The following AKR1C4 variants were observed in gnomAD, a reference collection of about 807,000 sequenced individuals.
The protein encoded by AKR1C4 is aldo-keto reductase family 1 member C4, also known as 3-alpha-HSD1.
Under a neutral mutation model 41.0 loss-of-function variants are expected in AKR1C4, and 44 were observed. The ratio of observed to expected loss-of-function variants is 1.07; its 90% CI spans 0.84 to 1.38. The LOEUF is 1.38. Ranked by LOEUF, AKR1C4 falls within the 40% of genes most tolerant of loss-of-function variation. The pLI is 0.00. For synonymous variants in AKR1C4, 165 were observed against 137.7 expected (o/e 1.20, Z -1.39); for missense variants, 438 against 387.9 (o/e 1.13, Z -1.09).
chr10:5,212,414 T>C (rs188165802), intron 5 of AKR1C4, among the ~76,000 whole-genome samples: 2 of 152,348 alleles, frequency 1.3e-5, no homozygotes, highest in South Asian at 2.1e-4. Context: ...CTCTGGTTCA[T>C]AGAGTTGCTA....
At chr10:5,212,487 AAATG>A (rs1264315137) in intron 5 of AKR1C4, 125 bp from the exon 6 acceptor site, 192 of 886,212 alleles carry the variant, frequency 2.2e-4, no homozygotes, top group Middle Eastern at 2.1e-3. Flanking sequence ...TATTTTTATA[AAATG>A]ATTGTTACTT....
intron 2 of AKR1C4, among the ~76,000 whole-genome samples, chr10:5,202,309 G>A (rs1322212352): frequency 6.6e-6 from 1 of 152,130 alleles, no homozygotes; most frequent in East Asian, 1.9e-4. Context: ...CTCTCAACAT[G>A]GTTGTTGTTG....
At chr10:5,210,547 T>C (rs1554797816) in intron 5 of AKR1C4, among the ~76,000 whole-genome samples, 7 of 152,064 alleles carry the variant, frequency 4.6e-5, no homozygotes, top group Non-Finnish European at 1.5e-5. Flanking sequence ...GCCTGGACAT[T>C]CAGGCGTTTC....
chr10:5,203,525 G>A (rs782729240), intron 2 of AKR1C4, among the ~76,000 whole-genome samples: 9 of 152,158 alleles, frequency 5.9e-5, no homozygotes, highest in African/African-American at 2.4e-5. Flanking sequence ...ATTCCCTGGT[G>A]GGGAAGAGTA....
intron 1 of AKR1C4, among the ~76,000 whole-genome samples, 185 bp from the exon 2 acceptor site, chr10:5,199,996 G>A (rs1832372123): frequency 6.6e-6 from 1 of 152,160 alleles, no homozygotes; most frequent in African/African-American, 2.4e-5. Flanking sequence ...CCTAGACACT[G>A]TCAACGGGTC....
chr10:5,200,122 T>C, intron 1 of AKR1C4, 59 bp from the exon 2 acceptor site: 8 of 1,562,278 alleles, frequency 5.1e-6, no homozygotes, highest in Non-Finnish European at 6.9e-6. Context: ...GAACTTTTCC[T>C]GTTTCACTAC....
At chr10:5,216,107 T>C (rs1310126628) in intron 7 of AKR1C4, among the ~76,000 whole-genome samples, 1 of 152,120 alleles carries the variant, frequency 6.6e-6, no homozygotes, top group Non-Finnish European at 1.5e-5. Context: ...CATTTACTCG[T>C]GGTAGAAGGT....
chr10:5,202,329 A>G (rs782816322), intron 2 of AKR1C4: 1 of 294,400 alleles, frequency 3.4e-6, no homozygotes, highest in Admixed American at 4.0e-5. Context: ...GGTGAATAGC[A>G]GTGCTACTAA....
intron 7 of AKR1C4, among the ~76,000 whole-genome samples, chr10:5,214,145 G>A (rs868957178): frequency 6.6e-5 from 10 of 151,924 alleles, no homozygotes; most frequent in Non-Finnish European, 1.5e-4. Flanking sequence ...TGTGAAATAA[G>A]AGTACAAATG....
In AKR1C4 at chr10:5,216,926, ACT is replaced by A. The variant is rs1832665603; in HGVS notation, c.929+137_929+138del. ...AGAGGTGAGACAGGAACTCTCTGGAACTCTCCTTCTGGATTCACTCCAGAGCT... is the reference window on the plus strand; with the variant it reads ...AGAGGTGAGACAGGAACTCTCTGGAACTCCTTCTGGATTCACTCCAGAGCT... On this transcript the variant is annotated intron_variant, in intron 8 of 8. Transcript: ENST00000263126. 5 of 617,058 alleles carry A rather than the reference ACT, an allele frequency of 8.1e-6. No individual in the cohort carries two copies. The Admixed American group carries it at 1.5e-4, about 19-fold the overall frequency. 38.2% of individuals were successfully genotyped at this position (617,058 alleles called of 1,614,324 possible).
At chr10:5,206,874 ATC>A (rs1554797538) in intron 5 of AKR1C4, among the ~76,000 whole-genome samples, 4 of 151,504 alleles carry the variant, frequency 2.6e-5, no homozygotes, top group African/African-American at 4.8e-5. Context: ...TTTTCTTGTC[ATC>A]TCTGTTTTCA....
chr10:5,205,910 C>A, intron 4 of AKR1C4, 76 bp downstream of exon 4: 10 of 1,383,116 alleles, frequency 7.2e-6, no homozygotes, highest in Non-Finnish European at 1.0e-5. Context: ...TCATATGCAA[C>A]ATTGGAATAT....
chr10:5,199,845 C>G (rs1265994479), intron 1 of AKR1C4, among the ~76,000 whole-genome samples: 1 of 152,182 alleles, frequency 6.6e-6, no homozygotes, highest in East Asian at 1.9e-4. Flanking sequence ...ATACAGAAAG[C>G]CCTCTGTCCT....
chr10:5,213,787 G>A (rs188788494), intron 7 of AKR1C4, among the ~76,000 whole-genome samples: 1 of 152,144 alleles, frequency 6.6e-6, no homozygotes, highest in Non-Finnish European at 1.5e-5. Flanking sequence ...GCAGGGCAAT[G>A]AGGCAGCTCT....
chr10:5,213,261 G>T (rs1832605968), intron 7 of AKR1C4, 102 bp downstream of exon 7: 2 of 1,517,566 alleles, frequency 1.3e-6, no homozygotes, highest in South Asian at 1.3e-5. Flanking sequence ...CACTTCCTGG[G>T]CATTTCCTAT....
chr10:5,203,801 A>G (rs1832440674), intron 2 of AKR1C4, among the ~76,000 whole-genome samples: 1 of 152,234 alleles, frequency 6.6e-6, no homozygotes. Context: ...ATGGTTTAAC[A>G]TAGACTACAG....
intron 5 of AKR1C4, among the ~76,000 whole-genome samples, chr10:5,206,841 T>C (rs1050081725): frequency 5.7e-5 from 8 of 141,328 alleles, no homozygotes; most frequent in African/African-American, 2.0e-4. Context: ...CGGGTTTAAA[T>C]AGGGTTTAGA....
Position 5,205,676 on chromosome 10 carries a change from A to G in AKR1C4, c.370-81A>G, listed in dbSNP as rs1554797397. Reference sequence around the variant, plus strand: ...TTCAGCACCTACCTCACGGTGGATTATTATCCTAAAATGTACATGGGAGCA... The same window carrying G: ...TTCAGCACCTACCTCACGGTGGATTGTTATCCTAAAATGTACATGGGAGCA... On this transcript the variant is annotated intron_variant, in intron 3 of 8. Transcript: ENST00000263126. The G allele has an allele frequency of 4.0e-6, 5 of 1,238,842 alleles. 1 individual carries two copies. Among genetic ancestry groups the G allele is most frequent in the South Asian group, 2.8e-5 (2 of 72,242 alleles). The allele number at this position is 1,238,842 out of a possible 1,614,324, so 76.7% of individuals were successfully genotyped here.
intron 7 of AKR1C4, among the ~76,000 whole-genome samples, chr10:5,216,132 C>G (rs1170733067): frequency 1.3e-5 from 2 of 152,062 alleles, no homozygotes. Context: ...GAGGAGGAAA[C>G]ATATCAAATA....
Sources: allele counts gnomAD v4.1 joint callset (sites outside exome capture counted in the v4.1 genomes callset), GRCh38; gene constraint gnomAD v4.1.1; transcripts MANE v1.5; gene names NCBI Gene and HGNC (gene_info 2026-07-23, HGNC 2026-07-21).